MYOM2: variants seen among roughly 807,000 people sequenced by gnomAD.
MYOM2 encodes the protein myomesin-2.
MYOM2 carries 254 observed loss-of-function variants against 187.6 expected under a neutral mutation model. The observed-to-expected ratio is 1.35, with a 90% CI of 1.22 to 1.50. The LOEUF (loss-of-function observed/expected upper bound fraction) is 1.50. MYOM2 is among the 40% of genes most tolerant of loss of function. The probability of loss-of-function intolerance (pLI) is 0.00; values close to 1 mark genes in which losing one functional copy is unlikely to be tolerated. For synonymous variants in MYOM2, 981 were observed against 753.8 expected, an observed-to-expected ratio of 1.30 and a Z score of -4.94; for missense variants, 2,796 against 1,924.0, an observed-to-expected ratio of 1.45 and a Z score of -8.48.
chr8:2,080,103 T>A (rs1819569808), intron 13 of MYOM2, among the ~76,000 whole-genome samples: 3 of 152,258 alleles, frequency 2.0e-5, no homozygotes, highest in African/African-American at 7.2e-5. Context: ...TTCTTCTTCC[T>A]GATTTTCCTT....
intron 31 of MYOM2, among the ~76,000 whole-genome samples, chr8:2,126,290 C>T (rs757702133): frequency 4.6e-5 from 7 of 152,110 alleles, no homozygotes; most frequent in Non-Finnish European, 7.3e-5. Context: ...GGAAACTGGA[C>T]GCCATGGGCT....
intron 6 of MYOM2, among the ~76,000 whole-genome samples, chr8:2,067,604 C>G (rs1053532793): frequency 2.6e-5 from 4 of 152,176 alleles, no homozygotes; most frequent in Non-Finnish European, 5.9e-5. Context: ...CCCCTCTTGT[C>G]TCCATTTCCT....
intron 6 of MYOM2, among the ~76,000 whole-genome samples, chr8:2,063,654 G>GTTA (rs1818920607): frequency 6.6e-6 from 1 of 152,138 alleles, no homozygotes; most frequent in Non-Finnish European, 1.5e-5. Flanking sequence ...TTTAAATTTT[G>GTTA]ATTTAATTAA....
chr8:2,087,240 A>C (rs888261372), intron 14 of MYOM2, among the ~76,000 whole-genome samples: 3 of 152,234 alleles, frequency 2.0e-5, no homozygotes, highest in African/African-American at 7.2e-5. Flanking sequence ...AATATGTAGT[A>C]TGCAAGTAAC....
chr8:2,056,607 A>G (rs759023772), intron 3 of MYOM2, among the ~76,000 whole-genome samples: 1 of 152,178 alleles, frequency 6.6e-6, no homozygotes, highest in African/African-American at 2.4e-5. Context: ...TCCTATCTGT[A>G]TATTTTTAAA....
intron 6 of MYOM2, among the ~76,000 whole-genome samples, chr8:2,066,834 T>C (rs1037697603): frequency 1.3e-5 from 2 of 152,258 alleles, no homozygotes; most frequent in Admixed American, 1.3e-4. Context: ...CCTGGGGACA[T>C]GGCTGTGCCT....
intron 31 of MYOM2, among the ~76,000 whole-genome samples, chr8:2,125,774 A>T (rs1477059896): frequency 2.7e-5 from 4 of 150,776 alleles, no homozygotes; most frequent in Admixed American, 2.6e-4. Context: ...CACCCAGCTA[A>T]TTTTTTTGCA....
chr8:2,085,214 G>A lies in MYOM2; in HGVS notation c.1517-49G>A, dbSNP rs780896623. 1.4e-5 allele frequency: 23 copies of A among 1,595,278 alleles called. No homozygotes were observed. In the East Asian group the frequency reaches 3.1e-4, roughly 22 times the overall value. ...CCAGTGCCCCGAGGTGGGCTGCAGC[G>A]AGGCTGATGGGGGTCCTTCAGCACT... On this transcript the variant is annotated intron_variant, in intron 13 of 36. Transcript: ENST00000262113.
chr8:2,066,223 C>G (rs906382529), intron 6 of MYOM2, among the ~76,000 whole-genome samples: 6 of 152,180 alleles, frequency 3.9e-5, no homozygotes, highest in African/African-American at 1.4e-4. Context: ...CGGGAACTGC[C>G]CGTGCACCTG....
chr8:2,073,415 G>T lies in MYOM2; in HGVS notation c.1035G>T (p.Leu345=). The T allele has an allele frequency of 6.2e-7, 1 of 1,613,166 alleles. No homozygotes were observed. The highest frequency in any genetic ancestry group is 8.5e-7 in the Non-Finnish European group (1 of 1,179,788). The stretch of plus-strand genomic sequence containing the variant: ...AGGCCTCCCTGTCCTTCAGCCACCT[G>T]CACAAGGACGACGAGGGCCTGTACA... The part of the protein sequence containing the change: ...EGQASLSFSH[L]HKDDEGLYTL... The change falls in exon 10 of 37, where the codon CTG becomes CTT. Residue 345 remains leucine (L), a synonymous_variant. Coordinates refer to ENST00000262113, the MANE Select transcript of MYOM2 (RefSeq NM_003970.4).
At chr8:2,085,466 C>CTGCTGT in intron 14 of MYOM2, 76 bp downstream of exon 14, 1 of 1,507,978 alleles carries the variant, frequency 6.6e-7, no homozygotes, top group Non-Finnish European at 8.9e-7. Flanking sequence ...GCGTGGCCCA[C>CTGCTGT]CGCTGTCGTG....
chr8:2,067,322 T>A (rs1819051061), intron 6 of MYOM2, among the ~76,000 whole-genome samples: 1 of 152,222 alleles, frequency 6.6e-6, no homozygotes, highest in African/African-American at 2.4e-5. Context: ...AAGTGGGGAC[T>A]TTTTGTGTTG....
intron 3 of MYOM2, among the ~76,000 whole-genome samples, chr8:2,056,977 C>T (rs1427198641): frequency 6.6e-6 from 1 of 152,224 alleles, no homozygotes; most frequent in African/African-American, 2.4e-5. Flanking sequence ...GTTCCCGACT[C>T]TCTGAGTGGG....
chr8:2,104,450 A>G (rs565496842), intron 21 of MYOM2, among the ~76,000 whole-genome samples: 59 of 152,080 alleles, frequency 3.9e-4, no homozygotes, highest in African/African-American at 1.3e-3. Context: ...AAAAATACAA[A>G]AAGAATTAGC....
rs540662133 is a variant in MYOM2, at chr8:2,069,309, G to T, written c.685G>T (p.Ala229Ser). 2.5e-6 allele frequency: 4 copies of T among 1,613,616 alleles called. No individual in the cohort carries two copies. The South Asian group carries it at 4.4e-5, about 18-fold the overall frequency. The stretch of plus-strand genomic sequence containing the variant: ...CTTTGACGACACTGCGACATACTCA[G>T]CAGTGGCCACCAATGCCCACGGACA... ...ADFDDTATYS[A>S]VATNAHGQVS... Residue 229 changes from alanine (A) to serine (S), a missense_variant, in exon 7 of 37, where the codon GCA becomes TCA. Coordinates refer to ENST00000262113, the MANE Select transcript of MYOM2 (RefSeq NM_003970.4).
rs111662150 is a variant in MYOM2 at position 2,086,648 on chromosome 8, G to T, written c.1644+1258G>T. Reference sequence around the variant, plus strand: ...CACACGGCAGCAGGGGCGGAAATTGGCACCAGGGGGCTGGGTTGCGTCCTA... The same window carrying T: ...CACACGGCAGCAGGGGCGGAAATTGTCACCAGGGGGCTGGGTTGCGTCCTA... On this transcript the variant is annotated intron_variant, in intron 14 of 36. Transcript: ENST00000262113. Among the ~76,000 whole-genome samples the T allele has an allele frequency of 3.9e-3, 601 of 152,382 alleles. 2 individuals are homozygous for T. Among genetic ancestry groups the T allele is most frequent in the Middle Eastern group, 0.031 (9 of 294 alleles).
At chr8:2,070,728 G>A (rs548390845) in intron 8 of MYOM2, among the ~76,000 whole-genome samples, 11 of 152,316 alleles carry the variant, frequency 7.2e-5, no homozygotes, top group African/African-American at 2.2e-4. Context: ...TTTGACAGAG[G>A]GAAATATCTT....
intron 32 of MYOM2, among the ~76,000 whole-genome samples, chr8:2,133,740 T>C (rs145831492): frequency 0.13 from 19,823 of 152,162 alleles, 2,189 homozygotes; most frequent in African/African-American, 0.28. Context: ...GGATTACAGG[T>C]GTGAGCCACA....
chr8:2,054,021 G>T (rs13260776), intron 3 of MYOM2, among the ~76,000 whole-genome samples: 2 of 152,080 alleles, frequency 1.3e-5, no homozygotes, highest in South Asian at 2.1e-4. Flanking sequence ...GAAGGGCCCA[G>T]GAGGGATGAG....
Sources: gnomAD v4.1 joint callset for allele counts (sites outside exome capture counted in the v4.1 genomes callset) on GRCh38, gnomAD v4.1.1 for gene constraint, MANE v1.5 for transcripts, NCBI Gene and HGNC (gene_info 2026-07-23, HGNC 2026-07-21) for gene names.